The following GTF3C4 variants were observed in gnomAD, a reference collection of about 807,000 sequenced individuals.
GTF3C4 encodes the protein general transcription factor IIIC subunit 4.
In GTF3C4, 28 loss-of-function variants were observed where a neutral mutation model predicts 67.5. The ratio of observed to expected loss-of-function variants is 0.41; its 90% CI spans 0.31 to 0.57. The LOEUF (loss-of-function observed/expected upper bound fraction) is 0.57. Ranked by LOEUF, GTF3C4 falls within the 20% of genes least tolerant of loss-of-function variation. The pLI is 0.21. For missense variants in GTF3C4, 831 were observed against 1,033.2 expected (o/e 0.80, Z 2.68); for synonymous variants, 409 against 393.0 (o/e 1.04, Z -0.48).
chr9:132,685,761 G>T (rs1836017434), intron 3 of GTF3C4, among the ~76,000 whole-genome samples: 1 of 152,178 alleles, frequency 6.6e-6, no homozygotes, highest in Non-Finnish European at 1.5e-5. Flanking sequence ...TATACTGAGT[G>T]CTATTAATAT....
rs777246101 is a variant in GTF3C4, at chr9:132,679,583, C to T, written c.1964C>T (p.Thr655Met). 65 of 1,613,948 alleles carry T rather than the reference C, an allele frequency of 4.0e-5. No individual in the cohort carries two copies. Among genetic ancestry groups the T allele is most frequent in the Non-Finnish European group, 4.9e-5 (58 of 1,180,022 alleles). Residue 655 changes from threonine (T) to methionine (M), a missense_variant, in exon 2 of 5, where the codon ACG becomes ATG. Thr to Met is a moderately conservative substitution (Grantham distance 81, BLOSUM62 -1). Coordinates refer to ENST00000372146, the MANE Select transcript of GTF3C4 (RefSeq NM_012204.4). This position sits in a 1 kb window ranked among gnomAD's most constrained non-coding sequence, Gnocchi z 5.9. ...GAGCCCACTGATGACTCGCTCCCCACGACTGGAGATGCTGGAGGCCGTGAG... is the reference window on the plus strand; with the variant it reads ...GAGCCCACTGATGACTCGCTCCCCATGACTGGAGATGCTGGAGGCCGTGAG... ...VEEPTDDSLPTTGDAGGREPM... is the reference protein window; with the variant it reads ...VEEPTDDSLPMTGDAGGREPM...
chr9:132,685,965 A>C (rs780021235), intron 3 of GTF3C4, among the ~76,000 whole-genome samples: 4 of 152,262 alleles, frequency 2.6e-5, no homozygotes, highest in Non-Finnish European at 5.9e-5. Context: ...AAAATTAATG[A>C]TGCAAGAAGA....
At chr9:132,672,452 C>G (rs415410) in intron 1 of GTF3C4, among the ~76,000 whole-genome samples, 2 of 151,914 alleles carry the variant, frequency 1.3e-5, no homozygotes, top group Non-Finnish European at 2.9e-5. Flanking sequence ...GCATTCCAGG[C>G]GGCAGGAATG....
Position 132,679,579 on chromosome 9 carries a change from C to T in GTF3C4, c.1960C>T (p.Pro654Ser). ...DVEEPTDDSLPTTGDAGGREP... is the reference protein window; with the variant it reads ...DVEEPTDDSLSTTGDAGGREP... ...AGAGGAGCCCACTGATGACTCGCTC[C>T]CCACGACTGGAGATGCTGGAGGCCG... The change falls in exon 2 of 5, where the codon CCC (proline) becomes TCC (serine). Residue 654 changes from proline (P) to serine (S), a missense_variant. Coordinates refer to ENST00000372146, the MANE Select transcript of GTF3C4 (RefSeq NM_012204.4). The surrounding 1 kb of genome is among the most constrained non-coding windows in gnomAD (Gnocchi z 5.9). 1 of 1,614,082 alleles carries T rather than the reference C, an allele frequency of 6.2e-7. No individual in the cohort carries two copies. Among genetic ancestry groups the T allele is most frequent in the South Asian group, 1.1e-5 (1 of 91,074 alleles).
chr9:132,685,288 T>A (rs1450016798), intron 3 of GTF3C4, among the ~76,000 whole-genome samples: 1 of 151,790 alleles, frequency 6.6e-6, no homozygotes, highest in Non-Finnish European at 1.5e-5. Context: ...CCCAGAGTGC[T>A]GGAACTACAG....
chr9:132,676,695 G>GATGT (rs1835869636), intron 1 of GTF3C4, among the ~76,000 whole-genome samples: 1 of 152,158 alleles, frequency 6.6e-6, no homozygotes, highest in Non-Finnish European at 1.5e-5. Context: ...CTTCATCTAG[G>GATGT]ATGTAGTAAG....
chr9:132,670,541 A>C lies in GTF3C4; in HGVS notation c.-58A>C. On this transcript the variant is annotated 5_prime_UTR_variant, in exon 1 of 5. Transcript: ENST00000372146. ...CTGGGGGTGGCGGCGGCGGTCCGGGAGGTGGTCGCGCGACTGCGTGGAGCG... is the reference window on the plus strand; with the variant it reads ...CTGGGGGTGGCGGCGGCGGTCCGGGCGGTGGTCGCGCGACTGCGTGGAGCG... 1 of 1,263,198 alleles carries C rather than the reference A, an allele frequency of 7.9e-7. No homozygotes were observed. Among genetic ancestry groups the C allele is most frequent in the Non-Finnish European group, 1.0e-6 (1 of 960,308 alleles). 78.2% of individuals were successfully genotyped at this position (1,263,198 alleles called of 1,614,324 possible).
chr9:132,672,082 C>T (rs62576212), intron 1 of GTF3C4, among the ~76,000 whole-genome samples: 1 of 152,124 alleles, frequency 6.6e-6, no homozygotes, highest in Non-Finnish European at 1.5e-5. Flanking sequence ...GACTAAGCTT[C>T]CTCTAAGATC....
upstream of GTF3C4, chr9:132,670,272 A>C: frequency 6.6e-7 from 1 of 1,514,272 alleles, no homozygotes; most frequent in African/African-American, 1.4e-5. Context: ...CCTCCCCTTT[A>C]CCGCCCCGTG....
chr9:132,682,694 C>G (rs1835964640), intron 2 of GTF3C4, among the ~76,000 whole-genome samples: 2 of 148,784 alleles, frequency 1.3e-5, no homozygotes, highest in African/African-American at 4.9e-5. Context: ...AACCTCCACT[C>G]ACGGGCTCAG....
In GTF3C4 at chr9:132,679,469, C is replaced by T; in HGVS notation, c.1850C>T (p.Ala617Val). The T allele has an allele frequency of 6.2e-7, 1 of 1,614,082 alleles. No homozygotes were observed. The change falls in exon 2 of 5, where the codon GCT becomes GTT. Residue 617 changes from alanine (A) to valine (V), a missense_variant. By Grantham distance (64) the Ala-to-Val change is moderately conservative. Around this residue, in one of 4 missense-constraint regions of GTF3C4, gnomAD observed 75 missense variants for 66.4 expected, o/e 1.13. Coordinates refer to ENST00000372146, the MANE Select transcript of GTF3C4 (RefSeq NM_012204.4). This position sits in a 1 kb window ranked among gnomAD's most constrained non-coding sequence, Gnocchi z 5.9. The part of the protein sequence containing the change: ...LLVDSPGMGN[A>V]DDEQQEEGTS... ...GTGGATTCGCCTGGGATGGGCAATG[C>T]TGACGATGAACAGCAGGAAGAAGGC... is the stretch of plus-strand genomic sequence containing the variant.
Position 132,679,104 on chromosome 9 carries a change from G to C in GTF3C4, c.1485G>C (p.Glu495Asp), listed in dbSNP as rs1447405361. The C allele has an allele frequency of 6.2e-7, 1 of 1,614,166 alleles. No homozygotes were observed. The highest frequency in any genetic ancestry group is 1.1e-5 in the South Asian group (1 of 91,070). The change falls in exon 2 of 5, where the codon GAG becomes GAC. Residue 495 changes from glutamate (E) to aspartate (D), a missense_variant. By Grantham distance (45) the Glu-to-Asp change is conservative. Around this residue, in one of 4 missense-constraint regions of GTF3C4, gnomAD observed 390 missense variants for 540.3 expected, o/e 0.72. Transcript: ENST00000372146. The surrounding 1 kb of genome is among the most constrained non-coding windows in gnomAD (Gnocchi z 5.9). ...CATACCTGGCCATCATCACCACTGAGGGCATGATCAACGGCCTCCACCCTG... is the reference window on the plus strand; with the variant it reads ...CATACCTGGCCATCATCACCACTGACGGCATGATCAACGGCCTCCACCCTG... Reference protein sequence around the residue: ...CGAYLAIITTEGMINGLHPVN... With the variant: ...CGAYLAIITTDGMINGLHPVN...
rs895377489 is a variant in GTF3C4 at position 132,670,508 on chromosome 9, G to C, written c.-91G>C. 3.1e-5 allele frequency: 35 copies of C among 1,116,342 alleles called. No individual in the cohort carries two copies. The African/African-American group carries it at 3.6e-4, about 12-fold the overall frequency. The allele number at this position is 1,116,342 out of a possible 1,614,324, so 69.2% of individuals were successfully genotyped here. A position where few individuals can be genotyped will look rare whatever the true frequency, so the allele number is the denominator to read the frequency against. Reference sequence around the variant, plus strand: ...GGGCCTGAGGGGAGAAAACCGCCGCGGAGGGCGCTGGGGGTGGCGGCGGCG... The same window carrying C: ...GGGCCTGAGGGGAGAAAACCGCCGCCGAGGGCGCTGGGGGTGGCGGCGGCG... On this transcript the variant is annotated 5_prime_UTR_variant, in exon 1 of 5. Transcript: ENST00000372146.
chr9:132,688,045 C>T lies in GTF3C4; in HGVS notation c.2404+718C>T, dbSNP rs142894507. Among the ~76,000 whole-genome samples the T allele has an allele frequency of 1.9e-3, 293 of 152,312 alleles. 2 individuals are homozygous for T. The highest frequency in any genetic ancestry group is 6.8e-3 in the African/African-American group (282 of 41,564). On this transcript the variant is annotated intron_variant, in intron 4 of 4. Transcript: ENST00000372146. ...ATTCTTGAGCTTTGCTCTAAACTGG[C>T]AGAAGCTCTCTAATTCTCATAAGTT...
intron 3 of GTF3C4, among the ~76,000 whole-genome samples, chr9:132,684,133 G>A (rs1427500388): frequency 6.6e-6 from 1 of 152,078 alleles, no homozygotes; most frequent in East Asian, 1.9e-4. Context: ...AGTTGTCTTT[G>A]CTGATGGGCA....
At position 132,693,770 on chromosome 9, in the gene GTF3C4, T is replaced by C; in HGVS notation, c.*4825T>C. 6.6e-6 allele frequency: 1 copy of C among 152,216 alleles called. No homozygotes were observed. Among genetic ancestry groups the C allele is most frequent in the East Asian group, 1.9e-4 (1 of 5,202 alleles). 9.4% of individuals were successfully genotyped at this position (152,216 alleles called of 1,614,324 possible). On this transcript the variant is annotated 3_prime_UTR_variant, in exon 5 of 5. Transcript: ENST00000372146. ...AGCAGACTGGTAAGGTTTAGGGTTC[T>C]CTCCACTAATGGAAAATTAAATGCT... is the stretch of plus-strand genomic sequence containing the variant.
intron 1 of GTF3C4, 52 bp from the exon 2 acceptor site, chr9:132,677,925 C>T: frequency 6.9e-7 from 1 of 1,451,042 alleles, no homozygotes. Context: ...AAAAAATTGC[C>T]ATCTCCTTGA....
At chr9:132,670,105 G>T, upstream of GTF3C4, 2 of 1,570,928 alleles carry the variant, frequency 1.3e-6, no homozygotes, top group African/African-American at 1.4e-5. Context: ...GGCACCGGGC[G>T]GGTAGGGACA....
Position 132,693,336 on chromosome 9 carries a change from G to A in GTF3C4, c.*4391G>A, listed in dbSNP as rs1359216125. On this transcript the variant is annotated 3_prime_UTR_variant, in exon 5 of 5. Coordinates refer to ENST00000372146, the MANE Select transcript of GTF3C4 (RefSeq NM_012204.4). The stretch of plus-strand genomic sequence containing the variant: ...CCAATCCTTTTAATTAGGTGGTTCA[G>A]CTTATCTTGTATTTTCTGAGTCATA... The A allele has an allele frequency of 1.3e-5, 2 of 152,180 alleles. No homozygotes were observed. The highest frequency in any genetic ancestry group is 4.8e-5 in the African/African-American group (2 of 41,436). 9.4% of individuals were successfully genotyped at this position (152,180 alleles called of 1,614,324 possible).
Sources: allele counts gnomAD v4.1 joint callset (sites outside exome capture counted in the v4.1 genomes callset), GRCh38; gene constraint gnomAD v4.1.1; regional missense constraint gnomAD v4.1.1; non-coding constraint Gnocchi (gnomAD v3.1); transcripts MANE v1.5; gene names NCBI Gene and HGNC (gene_info 2026-07-23, HGNC 2026-07-21).